The following TNNI3K variants were observed in gnomAD, a reference collection of about 807,000 sequenced individuals.
The protein encoded by TNNI3K is TNNI3 interacting kinase, also known as serine/threonine-protein kinase TNNI3K.
Under a neutral mutation model 114.5 loss-of-function variants are expected in TNNI3K, and 140 were observed. The observed-to-expected ratio is 1.22, with a 90% CI of 1.07 to 1.41. The LOEUF (loss-of-function observed/expected upper bound fraction) is 1.41, where lower values mean the gene tolerates loss of function less well. TNNI3K is among the 40% of genes most tolerant of loss of function. TNNI3K has a pLI of 0.00. For synonymous variants in TNNI3K, 347 were observed against 347.5 expected (o/e 1.00, Z 0.02); for missense variants, 1,125 against 1,007.6 (o/e 1.12, Z -1.58).
rs189466339 is a variant in TNNI3K at position 74,271,582 on chromosome 1, A to T, written c.334-16A>T. ...TATTAGCAGAAAAGTAACACTAAAGATATGTTTCCTTACAGGATAATGCAG... is the reference window on the plus strand; with the variant it reads ...TATTAGCAGAAAAGTAACACTAAAGTTATGTTTCCTTACAGGATAATGCAG... On this transcript the variant is annotated splice_polypyrimidine_tract_variant and intron_variant, in intron 4 of 24. Coordinates refer to ENST00000326637, the MANE Select transcript of TNNI3K (RefSeq NM_015978.3). 263 of 1,584,006 alleles carry T rather than the reference A, an allele frequency of 1.7e-4. No individual in the cohort carries two copies. The African/African-American group carries it at 3.1e-3, about 19-fold the overall frequency.
At chr1:74,289,971 T>C (rs1657576680) in intron 5 of TNNI3K, among the ~76,000 whole-genome samples, 1 of 151,824 alleles carries the variant, frequency 6.6e-6, no homozygotes, top group African/African-American at 2.4e-5. Flanking sequence ...CACCATTTTA[T>C]AGTAAAAGCC....
At chr1:74,328,334 G>T (rs1265121991) in intron 5 of TNNI3K, among the ~76,000 whole-genome samples, 1 of 151,676 alleles carries the variant, frequency 6.6e-6, no homozygotes, top group African/African-American at 2.4e-5. Context: ...TGAAGCAGAT[G>T]AATCATGAGT....
chr1:74,244,134 G>T (rs1159150619), intron 2 of TNNI3K, among the ~76,000 whole-genome samples: 1 of 152,090 alleles, frequency 6.6e-6, no homozygotes, highest in Non-Finnish European at 1.5e-5. Flanking sequence ...TTCAAATATA[G>T]CCCCCAAAGT....
rs763734400 is a variant in TNNI3K at position 74,343,159 on chromosome 1, C to G, written c.912C>G (p.Phe304Leu). The G allele has an allele frequency of 1.3e-5, 21 of 1,612,182 alleles. No individual in the cohort carries two copies. The highest frequency in any genetic ancestry group is 3.3e-5 in the South Asian group (3 of 90,902). ...GTESLTKENI[F>L]SETAFHSACT... ...AAAGTCTGACTAAGGAAAACATCTT[C>G]AGTGAAACAGCTTTTCATAGGTAAA... The change falls in exon 9 of 25, where the codon TTC becomes TTG. Residue 304 changes from phenylalanine (F) to leucine (L), a missense_variant. By Grantham distance (22) the Phe-to-Leu change is conservative (BLOSUM62 0). Coordinates refer to ENST00000326637, the MANE Select transcript of TNNI3K (RefSeq NM_015978.3).
chr1:74,543,950 C>G lies in TNNI3K; in HGVS notation c.2476C>G (p.Arg826Gly), dbSNP rs201614312. The change falls in exon 25 of 25, where the codon CGA (arginine) becomes GGA (glycine). Residue 826 changes from arginine to glycine, a missense_variant. Coordinates refer to ENST00000326637, the MANE Select transcript of TNNI3K (RefSeq NM_015978.3). ...GAGCTCAATGCATTTTCATTCTTGC[C>G]GAAATAGTAGCAGCTTTGAGGACAG... ...PMSSMHFHSC[R>G]NSSSFEDSS The G allele has an allele frequency of 1.4e-4, 222 of 1,613,106 alleles. No individual in the cohort carries two copies. The highest frequency in any genetic ancestry group is 3.2e-4 in the Admixed American group (19 of 59,826).
At chr1:74,502,179 C>T (rs984897731) in intron 23 of TNNI3K, among the ~76,000 whole-genome samples, 8 of 152,156 alleles carry the variant, frequency 5.3e-5, no homozygotes, top group South Asian at 2.1e-4. Context: ...CTTAGAAAAT[C>T]GTTTTCTTTT....
chr1:74,379,356 T>A (rs1663082904), intron 17 of TNNI3K, among the ~76,000 whole-genome samples: 1 of 151,492 alleles, frequency 6.6e-6, no homozygotes, highest in Non-Finnish European at 1.5e-5. Flanking sequence ...CACACACACT[T>A]TTTTTTCTTC....
chr1:74,539,179 G>T (rs1646696362), intron 23 of TNNI3K, among the ~76,000 whole-genome samples: 1 of 152,170 alleles, frequency 6.6e-6, no homozygotes, highest in Non-Finnish European at 1.5e-5. Flanking sequence ...TATTTTGGAG[G>T]CAGAGCTAAA....
At chr1:74,267,554 C>A (rs1656076207) in intron 4 of TNNI3K, among the ~76,000 whole-genome samples, 1 of 151,890 alleles carries the variant, frequency 6.6e-6, no homozygotes, top group Non-Finnish European at 1.5e-5. Context: ...TAATTATTTT[C>A]TCTCATAGGT....
At position 74,471,300 on chromosome 1, in the gene TNNI3K, T is replaced by C. The variant is rs77657462; in HGVS notation, c.2121+7750T>C. On this transcript the variant is annotated intron_variant, in intron 21 of 24. Transcript: ENST00000326637. ...TGAGTCTAACATAGTTGCTACTCTC[T>C]GACTGTTGAAGAAAATCTGCAGAAC... 2,355 of 400,644 alleles carry C rather than the reference T, an allele frequency of 5.9e-3. 31 individuals are homozygous for C. The highest frequency in any genetic ancestry group is 0.034 in the African/African-American group (1,673 of 48,794). 24.8% of individuals were successfully genotyped at this position (400,644 alleles called of 1,614,324 possible). A position where few individuals can be genotyped will look rare whatever the true frequency, so the allele number is the denominator to read the frequency against.
rs1238555399 is a variant in TNNI3K at position 74,439,597 on chromosome 1, A to G, written c.1986A>G (p.Glu662=). 1.2e-6 allele frequency: 2 copies of G among 1,613,366 alleles called. No individual in the cohort carries two copies. Among genetic ancestry groups the G allele is most frequent in the African/African-American group, 2.7e-5 (2 of 74,860 alleles). The change falls in exon 20 of 25, where the codon GAA becomes GAG. Residue 662 remains glutamate, a synonymous_variant. Coordinates refer to ENST00000326637, the MANE Select transcript of TNNI3K (RefSeq NM_015978.3). Reference sequence around the variant, plus strand: ...GTCTGTGGGAAATTCTCACTGGCGAAATTCCATTCGCTCATCTCAAGCCAG... The same window carrying G: ...GTCTGTGGGAAATTCTCACTGGCGAGATTCCATTCGCTCATCTCAAGCCAG... ...ALCLWEILTG[E]IPFAHLKPAA... is the part of the protein sequence containing the mutation.
rs1173140199 is a variant in TNNI3K, at chr1:74,345,063, ATATG to A, written c.932+1886_932+1889del. ...TATGTGCATGTATGTATGCATGTAT[ATATG>A]TGTGTACACATGCACATATATACAC... On this transcript the variant is annotated intron_variant, in intron 9 of 24. Coordinates refer to ENST00000326637, the MANE Select transcript of TNNI3K (RefSeq NM_015978.3). Among the ~76,000 whole-genome samples, 15 of 152,172 alleles carry A rather than the reference ATATG, an allele frequency of 9.9e-5. No individual in the cohort carries two copies. The East Asian group carries it at 1.5e-3, about 16-fold the overall frequency.
chr1:74,400,365 A>G (rs774741001), intron 17 of TNNI3K, among the ~76,000 whole-genome samples: 2 of 152,212 alleles, frequency 1.3e-5, no homozygotes, highest in Non-Finnish European at 2.9e-5. Flanking sequence ...CTTGAGGCTG[A>G]CTTTACAAAT....
At chr1:74,522,537 G>A (rs1646447845) in intron 23 of TNNI3K, among the ~76,000 whole-genome samples, 1 of 152,008 alleles carries the variant, frequency 6.6e-6, no homozygotes. Flanking sequence ...ACTCCTGAGG[G>A]TATTATACAT....
At chr1:74,236,071 T>C in intron 1 of TNNI3K, 31 bp from the exon 2 acceptor site, 1 of 1,582,694 alleles carries the variant, frequency 6.3e-7, no homozygotes, top group Non-Finnish European at 8.6e-7. Flanking sequence ...AACACAACTA[T>C]GAATCAATCT....
chr1:74,440,084 T>C (rs1479459159), intron 20 of TNNI3K, among the ~76,000 whole-genome samples: 1 of 152,088 alleles, frequency 6.6e-6, no homozygotes, highest in Non-Finnish European at 1.5e-5. Flanking sequence ...CCTAACGTTT[T>C]TGTATTATAT....
At chr1:74,346,001 C>T (rs1660979423) in intron 9 of TNNI3K, 1 of 152,152 alleles carries the variant, frequency 6.6e-6, no homozygotes, top group African/African-American at 2.4e-5. Flanking sequence ...TCCACAAATA[C>T]TTTCTCACAC....
At position 74,439,638 on chromosome 1, in the gene TNNI3K, A is replaced by T; in HGVS notation, c.2011+16A>T. The T allele has an allele frequency of 6.2e-7, 1 of 1,610,444 alleles. No individual in the cohort carries two copies. Among genetic ancestry groups the T allele is most frequent in the South Asian group, 1.1e-5 (1 of 90,266 alleles). ...CTCAAGCCAGGTAAGACACACTGCA[A>T]TTGAAGTTTTCCTGTTTTACAGAGT... is the stretch of plus-strand genomic sequence containing the variant. On this transcript the variant is annotated intron_variant, in intron 20 of 24. Transcript: ENST00000326637.
At chr1:74,250,621 A>G in intron 3 of TNNI3K, 51 bp from the exon 4 acceptor site, 4 of 1,556,430 alleles carry the variant, frequency 2.6e-6, no homozygotes, top group Non-Finnish European at 3.5e-6. Flanking sequence ...AGAGTCTCAA[A>G]CTCACCCCAT....
Sources: allele counts gnomAD v4.1 joint callset (sites outside exome capture counted in the v4.1 genomes callset), GRCh38; gene constraint gnomAD v4.1.1; transcripts MANE v1.5; gene names NCBI Gene and HGNC (gene_info 2026-07-23, HGNC 2026-07-21).